SULF1: variants seen among roughly 807,000 people sequenced by gnomAD.
SULF1 encodes the protein extracellular sulfatase Sulf-1.
SULF1 carries 46 observed loss-of-function variants against 110.5 expected under a neutral mutation model. That is an observed-to-expected ratio of 0.42 (90% CI 0.33 to 0.53). The LOEUF is 0.53. Ranked by LOEUF, SULF1 falls within the 20% of genes least tolerant of loss-of-function variation. The pLI is 0.12. For missense variants in SULF1, 941 were observed against 1,094.2 expected (o/e 0.86, Z 1.98); for synonymous variants, 371 against 387.1 (o/e 0.96, Z 0.49).
chr8:69,526,492 T>C (rs541373687), intron 3 of SULF1, among the ~76,000 whole-genome samples: 1 of 151,662 alleles, frequency 6.6e-6, no homozygotes, highest in South Asian at 2.1e-4. Flanking sequence ...CCAGGCATAG[T>C]AGCTCATGCC....
intron 3 of SULF1, among the ~76,000 whole-genome samples, chr8:69,507,448 G>T (rs1354447147): frequency 6.6e-6 from 1 of 152,136 alleles, no homozygotes. Flanking sequence ...TCTCAATGGT[G>T]TCCTAATTTG....
Position 69,659,434 on chromosome 8 carries a change from T to TGC in SULF1, c.*900_*901dup, listed in dbSNP as rs1478034844. 3.8e-5 allele frequency: 13 copies of TGC among 343,556 alleles called. No homozygotes were observed. The East Asian group carries it at 6.9e-4, about 18-fold the overall frequency. The allele number at this position is 343,556 out of a possible 1,614,324, so 21.3% of individuals were successfully genotyped here. A position where few individuals can be genotyped will look rare whatever the true frequency, so the allele number is the denominator to read the frequency against. ...TTCCAAGCTACCCTGGGTACCTTTG[T>TGC]GCAGTAGAAGCTAGTGAGCATGTGA... On this transcript the variant is annotated 3_prime_UTR_variant, in exon 23 of 23. Transcript: ENST00000402687.
At chr8:69,506,212 T>C (rs1330645963) in intron 3 of SULF1, among the ~76,000 whole-genome samples, 1 of 148,752 alleles carries the variant, frequency 6.7e-6, no homozygotes, top group African/African-American at 2.5e-5. Context: ...GCTTTTTCTT[T>C]ATAAGAGAGA....
chr8:69,553,100 A>AAC (rs1814846432), intron 3 of SULF1, among the ~76,000 whole-genome samples: 2 of 152,218 alleles, frequency 1.3e-5, no homozygotes, highest in East Asian at 3.8e-4. Flanking sequence ...CACCTCCTTC[A>AAC]CATTAGCTCT....
At chr8:69,542,065 A>G (rs1267204604) in intron 3 of SULF1, among the ~76,000 whole-genome samples, 1 of 152,144 alleles carries the variant, frequency 6.6e-6, no homozygotes, top group Non-Finnish European at 1.5e-5. Flanking sequence ...CAGCGCTGTC[A>G]TTCATTTAAA....
chr8:69,571,288 G>A (rs776807821), intron 5 of SULF1, among the ~76,000 whole-genome samples: 17 of 152,204 alleles, frequency 1.1e-4, no homozygotes, highest in Non-Finnish European at 2.4e-4. Flanking sequence ...ACTCCTTACA[G>A]GAAGTACTTG....
chr8:69,516,772 A>C (rs1311908343), intron 3 of SULF1, among the ~76,000 whole-genome samples: 1 of 152,192 alleles, frequency 6.6e-6, no homozygotes, highest in Admixed American at 6.5e-5. Flanking sequence ...AAGGATGATA[A>C]TTTGTAAATA....
intron 22 of SULF1, among the ~76,000 whole-genome samples, chr8:69,648,428 A>G (rs1440431925): frequency 1.3e-5 from 2 of 152,230 alleles, no homozygotes; most frequent in African/African-American, 2.4e-5. Context: ...TACTGAGCAC[A>G]GGTACCCAGA....
chr8:69,635,214 A>G (rs1441917038), intron 19 of SULF1, among the ~76,000 whole-genome samples: 1 of 152,260 alleles, frequency 6.6e-6, no homozygotes, highest in Non-Finnish European at 1.5e-5. Context: ...ATGTGATACA[A>G]CAATGGCAGA....
chr8:69,622,401 A>C (rs72658281), intron 14 of SULF1, among the ~76,000 whole-genome samples: 13,013 of 152,184 alleles, frequency 0.086, 618 homozygotes, highest in South Asian at 0.2. Flanking sequence ...CAAACTGGTG[A>C]AACGCCATCT....
At position 69,588,824 on chromosome 8, in the gene SULF1, G is replaced by A. The variant is rs541532636; in HGVS notation, c.565-148G>A. ...ATTTTCTCTATTATCGAAAATGTTCGGCTGCCTTGGGAGGTGCAGCCTTCC... is the reference window on the plus strand; with the variant it reads ...ATTTTCTCTATTATCGAAAATGTTCAGCTGCCTTGGGAGGTGCAGCCTTCC... On this transcript the variant is annotated intron_variant, in intron 7 of 22. Transcript: ENST00000402687. 12 of 575,806 alleles carry A rather than the reference G, an allele frequency of 2.1e-5. No individual in the cohort carries two copies. In the South Asian group the frequency reaches 4.4e-4, roughly 21 times the overall value. The allele number at this position is 575,806 out of a possible 1,614,324, so 35.7% of individuals were successfully genotyped here.
rs1563618888 is a variant in SULF1 at position 69,638,495 on chromosome 8, C to G, written c.2285-7C>G. ...GTTTTGTTGTGTTTTTCTTTTTTAC[C>G]CAACAGTGGGATCTTTCTGTGCTTG... On this transcript the variant is annotated splice_region_variant and splice_polypyrimidine_tract_variant and intron_variant, in intron 19 of 22. Coordinates refer to ENST00000402687, the MANE Select transcript of SULF1 (RefSeq NM_001128205.2). 6.2e-7 allele frequency: 1 copy of G among 1,606,594 alleles called. No individual in the cohort carries two copies. The highest frequency in any genetic ancestry group is 2.2e-5 in the East Asian group (1 of 44,804).
intron 1 of SULF1, among the ~76,000 whole-genome samples, chr8:69,486,324 A>T (rs77920099): frequency 0.42 from 59,238 of 139,394 alleles, 11,732 homozygotes; most frequent in East Asian, 0.61. Flanking sequence ...GCTTTTTTTA[A>T]AAAAAAAAAA....
At chr8:69,658,397 G>A in intron 22 of SULF1, 108 bp from the exon 23 acceptor site, 1 of 787,702 alleles carries the variant, frequency 1.3e-6, no homozygotes, top group Non-Finnish European at 2.1e-6. Context: ...GCTTTTGAGT[G>A]TCATACTTCT....
intron 1 of SULF1, among the ~76,000 whole-genome samples, chr8:69,467,612 G>A (rs1472507487): frequency 6.6e-6 from 1 of 152,196 alleles, no homozygotes; most frequent in Non-Finnish European, 1.5e-5. Flanking sequence ...TCTTGCAGCT[G>A]CAGGGAAAGC....
chr8:69,520,784 A>G (rs943382588), intron 3 of SULF1, among the ~76,000 whole-genome samples: 2 of 152,154 alleles, frequency 1.3e-5, no homozygotes, highest in Non-Finnish European at 2.9e-5. Flanking sequence ...TCCATTTGAA[A>G]TGATTTATCA....
intron 19 of SULF1, among the ~76,000 whole-genome samples, chr8:69,634,408 G>T (rs913404062): frequency 1.3e-5 from 2 of 152,102 alleles, no homozygotes; most frequent in Non-Finnish European, 2.9e-5. Context: ...TTACTTAAAG[G>T]GTGCACATCT....
intron 3 of SULF1, 98 bp downstream of exon 3, chr8:69,502,066 AG>A (rs1810835973): frequency 6.6e-6 from 1 of 152,224 alleles, no homozygotes; most frequent in African/African-American, 2.4e-5. Flanking sequence ...GGAATTGTTA[AG>A]AACTGGCAGA....
intron 19 of SULF1, among the ~76,000 whole-genome samples, chr8:69,636,246 C>T (rs1252194696): frequency 6.6e-6 from 1 of 152,100 alleles, no homozygotes; most frequent in Non-Finnish European, 1.5e-5. Flanking sequence ...CATAAAAATT[C>T]ATGTTTCAGA....
Sources: allele counts gnomAD v4.1 joint callset (sites outside exome capture counted in the v4.1 genomes callset), GRCh38; gene constraint gnomAD v4.1.1; transcripts MANE v1.5; gene names NCBI Gene and HGNC (gene_info 2026-07-23, HGNC 2026-07-21).